Variants in ANO3 observed in about 807,000 individuals in gnomAD.
ANO3 encodes the protein anoctamin 3.
A neutral mutation model predicts 144.8 loss-of-function variants in ANO3; 99 were observed. That is an observed-to-expected ratio of 0.68 (90% CI 0.58 to 0.81). The LOEUF is 0.81. ANO3 is among the 30% of genes least tolerant of loss of function. The pLI, the probability that ANO3 is intolerant of heterozygous loss-of-function variation, is 0.00. For missense variants in ANO3, 905 were observed against 1,202.2 expected, an observed-to-expected ratio of 0.75 and a Z score of 3.66; for synonymous variants, 414 against 392.6, an observed-to-expected ratio of 1.05 and a Z score of -0.64.
At chr11:26,634,892 G>T in intron 19 of ANO3, 121 bp from the exon 20 acceptor site, 1 of 725,496 alleles carries the variant, frequency 1.4e-6, no homozygotes, top group Non-Finnish European at 2.4e-6. Flanking sequence ...AAGTCAACTG[G>T]GGACAGATTG....
chr11:26,608,324 G>T (rs865923485), intron 17 of ANO3, among the ~76,000 whole-genome samples: 1 of 152,156 alleles, frequency 6.6e-6, no homozygotes, highest in Non-Finnish European at 1.5e-5. Context: ...ATTCCTCTAA[G>T]ATCTCTGACC....
At chr11:26,592,897 T>G (rs1274077153) in intron 14 of ANO3, among the ~76,000 whole-genome samples, 1 of 152,092 alleles carries the variant, frequency 6.6e-6, no homozygotes. Flanking sequence ...GTTTCCCCAT[T>G]CTGTTTCTTT....
At position 26,189,360 on chromosome 11, in the gene ANO3, A is replaced by C. The variant is rs79915825; in HGVS notation, c.154+30A>C. ...GCTAACCTTTAGATTGATATGTATG[A>C]GTATCTTAACTTATGTTTGTACTTC... On this transcript the variant is annotated intron_variant, in intron 1 of 27. Coordinates refer to the ANO3 transcript ENST00000672621. 5.1e-5 allele frequency: 50 copies of C among 977,410 alleles called. 1 individual carries two copies. In the East Asian group the frequency reaches 5.3e-3, roughly 105 times the overall value. 60.5% of individuals were successfully genotyped at this position (977,410 alleles called of 1,614,324 possible).
chr11:26,457,628 A>T (rs1316827343), intron 3 of ANO3, among the ~76,000 whole-genome samples: 1 of 152,170 alleles, frequency 6.6e-6, no homozygotes, highest in East Asian at 1.9e-4. Context: ...TAACGTTAAA[A>T]AACTGTAACG....
At chr11:26,205,230 C>T (rs1196545268) in intron 1 of ANO3, among the ~76,000 whole-genome samples, 2 of 152,050 alleles carry the variant, frequency 1.3e-5, no homozygotes, top group African/African-American at 4.8e-5. Context: ...GACACAGAGC[C>T]GAACCATACT....
chr11:26,194,755 G>A (rs1242900209), intron 1 of ANO3, among the ~76,000 whole-genome samples: 1 of 151,866 alleles, frequency 6.6e-6, no homozygotes, highest in Non-Finnish European at 1.5e-5. Flanking sequence ...TAGTAGAGAT[G>A]GGATTTCACC....
intron 4 of ANO3, among the ~76,000 whole-genome samples, chr11:26,487,891 A>T (rs574661235): frequency 6.6e-6 from 1 of 152,138 alleles, no homozygotes; most frequent in Non-Finnish European, 1.5e-5. Context: ...TTTTAGGCCA[A>T]GTGCAGTAGC....
chr11:26,547,509 TTTCTTCTATGG>T lies in ANO3; in HGVS notation c.1249_1259del (p.Phe417IlefsTer6), dbSNP rs768412092. ...CTGCAGCAATTGTTGGTTTGTGCGT[TTTCTTCTATGG>T]ATTATTTACAATGAATAATAGTCAA... On this transcript the variant is annotated frameshift_variant, in exon 12 of 27. Coordinates refer to ENST00000256737, the MANE Select transcript of ANO3 (RefSeq NM_031418.4). LOFTEE classifies it high-confidence loss of function. 8.7e-6 allele frequency: 14 copies of T among 1,612,006 alleles called. No homozygotes were observed. The highest frequency in any genetic ancestry group is 1.1e-5 in the Non-Finnish European group (13 of 1,178,630).
intron 4 of ANO3, among the ~76,000 whole-genome samples, chr11:26,470,202 G>A (rs1022620007): frequency 6.6e-5 from 10 of 151,790 alleles, no homozygotes; most frequent in African/African-American, 1.7e-4. Context: ...GTGAGCCCAG[G>A]AGTTTGAGAA....
chr11:26,555,599 T>A (rs1389367879), intron 13 of ANO3, among the ~76,000 whole-genome samples: 2 of 152,166 alleles, frequency 1.3e-5, no homozygotes, highest in Non-Finnish European at 2.9e-5. Flanking sequence ...AAAAGTTAGC[T>A]TGCAAAGGAG....
chr11:26,362,324 A>C (rs1400998510), intron 1 of ANO3, among the ~76,000 whole-genome samples: 1 of 152,216 alleles, frequency 6.6e-6, no homozygotes, highest in African/African-American at 2.4e-5. Flanking sequence ...TCATAACAGT[A>C]CAAGGTAGAT....
At chr11:26,322,602 G>A (rs1048952690) in intron 1 of ANO3, among the ~76,000 whole-genome samples, 1 of 152,010 alleles carries the variant, frequency 6.6e-6, no homozygotes, top group Non-Finnish European at 1.5e-5. Flanking sequence ...ATTTCTTATG[G>A]TTAGAAAGGA....
intron 18 of ANO3, among the ~76,000 whole-genome samples, chr11:26,625,391 C>A (rs146546881): frequency 1.8e-3 from 268 of 152,208 alleles, no homozygotes; most frequent in African/African-American, 5.8e-3. Context: ...GTGCCCTGTC[C>A]CCCGACACTC....
At chr11:26,462,474 C>T (rs1360513493) in intron 3 of ANO3, among the ~76,000 whole-genome samples, 1 of 151,782 alleles carries the variant, frequency 6.6e-6, no homozygotes, top group Non-Finnish European at 1.5e-5. Flanking sequence ...GGCTATTCTG[C>T]TAGTAACCAT....
intron 1 of ANO3, among the ~76,000 whole-genome samples, chr11:26,235,942 A>G (rs918701284): frequency 1.3e-5 from 2 of 152,088 alleles, no homozygotes; most frequent in African/African-American, 2.4e-5. Flanking sequence ...GCCAATCTCA[A>G]TATTATGTAG....
At chr11:26,567,143 GA>G in intron 14 of ANO3, 3 of 1,397,030 alleles carry the variant, frequency 2.1e-6, no homozygotes, top group Admixed American at 2.8e-5. Context: ...ACAGAAGCTG[GA>G]AAATGGAAGA....
At chr11:26,282,138 T>C (rs1409137901) in intron 1 of ANO3, among the ~76,000 whole-genome samples, 1 of 152,062 alleles carries the variant, frequency 6.6e-6, no homozygotes, top group African/African-American at 2.4e-5. Flanking sequence ...CTTCGGAGGG[T>C]GTTAGACAAA....
intron 1 of ANO3, among the ~76,000 whole-genome samples, chr11:26,197,966 C>G (rs1286594267): frequency 6.6e-6 from 1 of 152,172 alleles, no homozygotes; most frequent in Non-Finnish European, 1.5e-5. Flanking sequence ...GCCCCTGTGC[C>G]TTCTCTGTGA....
intron 1 of ANO3, among the ~76,000 whole-genome samples, chr11:26,245,953 G>A (rs1347033471): frequency 3.3e-5 from 5 of 152,202 alleles, no homozygotes; most frequent in Admixed American, 3.3e-4. Flanking sequence ...TCCTCCTGCA[G>A]TATGAGTTCA....
Sources: gnomAD v4.1 joint callset for allele counts (sites outside exome capture counted in the v4.1 genomes callset) on GRCh38, gnomAD v4.1.1 for gene constraint, MANE v1.5 for transcripts, NCBI Gene and HGNC (gene_info 2026-07-23, HGNC 2026-07-21) for gene names.